The following DLG4 variants were observed in gnomAD, a reference collection of about 807,000 sequenced individuals.
The protein encoded by DLG4 is disks large homolog 4.
A neutral mutation model predicts 93.8 loss-of-function variants in DLG4; 7 were observed. That is an observed-to-expected ratio of 0.07 (90% CI 0.04 to 0.14). The LOEUF is 0.14. Among genes scored for constraint, DLG4 ranks in the 10% least tolerant of loss-of-function variants. The pLI is 1.00. For synonymous variants in DLG4, 341 were observed against 387.6 expected, an observed-to-expected ratio of 0.88 and a Z score of 1.41; for missense variants, 545 against 992.9, an observed-to-expected ratio of 0.55 and a Z score of 6.06.
Position 7,189,359 on chromosome 17 carries a change from GTAAT to G in DLG4, c.*1345_*1348del, listed in dbSNP as rs2069380521. On this transcript the variant is annotated 3_prime_UTR_variant, in exon 20 of 20. Transcript: ENST00000399506. ...ACAAAATTAGCCAGGCATGGTGGCA[GTAAT>G]CTGTAATCCCAGCTACTCAGGGGGC... is the stretch of plus-strand genomic sequence containing the variant. 2.0e-5 allele frequency among the ~76,000 whole-genome samples: 3 copies of G among 151,590 alleles called. No homozygotes were observed. Among genetic ancestry groups the G allele is most frequent in the Non-Finnish European group, 2.9e-5 (2 of 67,926 alleles).
chr17:7,201,655 C>T (rs1362433999), intron 8 of DLG4, among the ~76,000 whole-genome samples: 1 of 152,122 alleles, frequency 6.6e-6, no homozygotes, highest in Admixed American at 6.5e-5. Context: ...CCGAGGAGGG[C>T]AGATCACCTG....
At chr17:7,198,514 G>A (rs891341468) in intron 8 of DLG4, among the ~76,000 whole-genome samples, 4 of 149,412 alleles carry the variant, frequency 2.7e-5, no homozygotes, top group Non-Finnish European at 5.9e-5. Context: ...CTCCAGCTTG[G>A]GTAACATGGT....
chr17:7,214,189 A>C (rs1032901451), intron 1 of DLG4, among the ~76,000 whole-genome samples: 10 of 152,134 alleles, frequency 6.6e-5, no homozygotes, highest in Admixed American at 1.3e-4. Context: ...TTGAGACGTC[A>C]GACTTCCCAA....
rs986501254 is a variant in DLG4 at position 7,195,576 on chromosome 17, A to G, written c.1301+644T>C. ...CCCAGTGGAGATGGCCAGAAAGCCAATGGCCAGAAGTGCAGGTCTTGACCT... is the reference window on the plus strand; with the variant it reads ...CCCAGTGGAGATGGCCAGAAAGCCAGTGGCCAGAAGTGCAGGTCTTGACCT... On this transcript the variant is annotated intron_variant, in intron 11 of 19. Transcript: ENST00000399506. This position sits in a 1 kb window ranked among gnomAD's most constrained non-coding sequence, Gnocchi z 4.3. Among the ~76,000 whole-genome samples the G allele has an allele frequency of 1.3e-5, 2 of 152,134 alleles. No homozygotes were observed. Among genetic ancestry groups the G allele is most frequent in the African/African-American group, 4.8e-5 (2 of 41,430 alleles).
At chr17:7,219,610 CT>C, upstream of DLG4, 1 of 1,182,266 alleles carries the variant, frequency 8.5e-7, no homozygotes, top group Admixed American at 3.9e-5. Flanking sequence ...TCTTTCCCTA[CT>C]TTTCCCTTCT....
rs894528445 is a variant in DLG4 at position 7,195,399 on chromosome 17, A to T, written c.1301+821T>A. 6.6e-6 allele frequency among the ~76,000 whole-genome samples: 1 copy of T among 152,196 alleles called. No homozygotes were observed. The highest frequency in any genetic ancestry group is 1.5e-5 in the Non-Finnish European group (1 of 68,034). On this transcript the variant is annotated intron_variant, in intron 11 of 19. Coordinates refer to ENST00000399506, the MANE Select transcript of DLG4 (RefSeq NM_001321075.3). The surrounding 1 kb of genome is among the most constrained non-coding windows in gnomAD (Gnocchi z 4.3). ...GGACCCGAGCAGGGAGGAAGGGCAG[A>T]GCAAGGGCTCAGGTGGGAGCCAGTG...
Position 7,193,057 on chromosome 17 carries a change from G to T in DLG4, c.1754C>A (p.Ser585Tyr). The T allele has an allele frequency of 6.2e-7, 1 of 1,613,760 alleles. No individual in the cohort carries two copies. The highest frequency in any genetic ancestry group is 1.1e-5 in the South Asian group (1 of 91,082). Reference protein sequence around the residue: ...IDGRDYHFVSSREKMEKDIQA... With the variant: ...IDGRDYHFVSYREKMEKDIQA... ...AATGTCCTTCTCCATTTTCTCCCGG[G>T]ACGACACAAAGTGGTAATCCCGGCC... Residue 585 changes from serine to tyrosine, a missense_variant, in exon 17 of 20, where the codon TCC becomes TAC. Coordinates refer to ENST00000399506, the MANE Select transcript of DLG4 (RefSeq NM_001321075.3). The surrounding 1 kb of genome is among the most constrained non-coding windows in gnomAD (Gnocchi z 6.7).
chr17:7,204,139 C>T (rs2070326852), intron 3 of DLG4, 60 bp downstream of exon 3: 4 of 1,601,344 alleles, frequency 2.5e-6, no homozygotes, highest in Non-Finnish European at 3.4e-6. Context: ...CATCTGCTGC[C>T]CTCCCTTACT....
rs2069811544 is a variant in DLG4 at position 7,196,744 on chromosome 17, G to A, written c.1083+13C>T. The A allele has an allele frequency of 3.1e-6, 5 of 1,597,150 alleles. No individual in the cohort carries two copies. The highest frequency in any genetic ancestry group is 4.3e-6 in the Non-Finnish European group (5 of 1,171,904). ...GGAGGGGGTGGTGCAGGTAGGGGCA[G>A]GCCTTCCCTCACCGACAGGATCTGG... On this transcript the variant is annotated intron_variant, in intron 9 of 19. Transcript: ENST00000399506. The surrounding 1 kb of genome is among the most constrained non-coding windows in gnomAD (Gnocchi z 8.3).
rs752296963 is a variant in DLG4 at position 7,203,616 on chromosome 17, G to A, written c.336-23C>T. The stretch of plus-strand genomic sequence containing the variant: ...ACCCTGGGAGCAGCAAGGTGGGCCT[G>A]AGCCAAGAGCTTCCTGCTGCCCTGG... On this transcript the variant is annotated intron_variant, in intron 5 of 19. Coordinates refer to ENST00000399506, the MANE Select transcript of DLG4 (RefSeq NM_001321075.3). This position sits in a 1 kb window ranked among gnomAD's most constrained non-coding sequence, Gnocchi z 7.2. 19 of 1,608,808 alleles carry A rather than the reference G, an allele frequency of 1.2e-5. No homozygotes were observed. The highest frequency in any genetic ancestry group is 1.6e-4 in the Middle Eastern group (1 of 6,072).
At chr17:7,192,351 G>T in intron 17 of DLG4, 1 of 285,960 alleles carries the variant, frequency 3.5e-6, no homozygotes, top group Admixed American at 5.0e-5. Flanking sequence ...ACACAGGCGG[G>T]AAGGAAAGCC....
Position 7,196,195 on chromosome 17 carries a change from G to T in DLG4, c.1301+25C>A, listed in dbSNP as rs756175259. 11 of 1,560,930 alleles carry T rather than the reference G, an allele frequency of 7.0e-6. No homozygotes were observed. Among genetic ancestry groups the T allele is most frequent in the Non-Finnish European group, 9.7e-6 (11 of 1,135,110 alleles). ...TGCCCAGGAACGCAGAGGGGCTGAG[G>T]AGTCCAGCCCGGGAAGCCTCTGACC... On this transcript the variant is annotated intron_variant, in intron 11 of 19. Coordinates refer to ENST00000399506, the MANE Select transcript of DLG4 (RefSeq NM_001321075.3). The surrounding 1 kb of genome is among the most constrained non-coding windows in gnomAD (Gnocchi z 8.3).
chr17:7,211,622 G>A (rs1347647977), intron 1 of DLG4: 5 of 939,164 alleles, frequency 5.3e-6, no homozygotes, highest in Non-Finnish European at 6.3e-6. Flanking sequence ...GGTCCGGGAA[G>A]GGGGAGCGGG....
chr17:7,214,213 CT>C (rs1424101836), intron 1 of DLG4, among the ~76,000 whole-genome samples: 5 of 152,162 alleles, frequency 3.3e-5, no homozygotes, highest in South Asian at 2.1e-4. Context: ...CCGGATTCTC[CT>C]TTCCAAAGAC....
rs1209726669 is a variant in DLG4, at chr17:7,203,416, G to A, written c.505+8C>T. On this transcript the variant is annotated splice_region_variant and intron_variant, in intron 6 of 19. Coordinates refer to ENST00000399506, the MANE Select transcript of DLG4 (RefSeq NM_001321075.3). The surrounding 1 kb of genome is among the most constrained non-coding windows in gnomAD (Gnocchi z 7.2). ...TGGGATGGGGGTGGGAACAAAATGA[G>A]TTACTACCTTTAGGCCCCTTGATGA... 2 of 1,600,728 alleles carry A rather than the reference G, an allele frequency of 1.2e-6. No individual in the cohort carries two copies. Among genetic ancestry groups the A allele is most frequent in the East Asian group, 2.3e-5 (1 of 44,432 alleles).
At position 7,194,304 on chromosome 17, in the gene DLG4, G is replaced by T; in HGVS notation, c.1478+15C>A. The T allele has an allele frequency of 5.6e-6, 9 of 1,597,036 alleles. No homozygotes were observed. Among genetic ancestry groups the T allele is most frequent in the Non-Finnish European group, 7.7e-6 (9 of 1,172,730 alleles). ...GTGCCTGTGGCAGGAAGGCTACAGA[G>T]CCCAGGAGCCTCACCGCCGTTTGCT... is the stretch of plus-strand genomic sequence containing the variant. On this transcript the variant is annotated intron_variant, in intron 12 of 19. Coordinates refer to ENST00000399506, the MANE Select transcript of DLG4 (RefSeq NM_001321075.3). The surrounding 1 kb of genome is among the most constrained non-coding windows in gnomAD (Gnocchi z 4.4).
chr17:7,208,151 T>G lies in DLG4; in HGVS notation c.96+23A>C, dbSNP rs748941220. The G allele has an allele frequency of 6.1e-6, 8 of 1,318,756 alleles. No homozygotes were observed. The highest frequency in any genetic ancestry group is 7.8e-6 in the Non-Finnish European group (8 of 1,024,254). 81.7% of individuals were successfully genotyped at this position (1,318,756 alleles called of 1,614,324 possible). ...GTGGGACAAGTTCCTCTCCGCCACG[T>G]GCACCAGCTCGGGGGCGTTTACCTG... On this transcript the variant is annotated intron_variant, in intron 2 of 19. Coordinates refer to ENST00000399506, the MANE Select transcript of DLG4 (RefSeq NM_001321075.3). The surrounding 1 kb of genome is among the most constrained non-coding windows in gnomAD (Gnocchi z 5.4).
In DLG4 at chr17:7,188,499, A is replaced by G. The variant is rs2069353945; in HGVS notation, c.*2209T>C. ...GAATAGTACCCCAGCAGGTGCCCCC[A>G]AAGGTTCATCTGTGCCAAACACATG... On this transcript the variant is annotated 3_prime_UTR_variant, in exon 20 of 20. Transcript: ENST00000399506. 6.6e-6 allele frequency among the ~76,000 whole-genome samples: 1 copy of G among 152,130 alleles called. No homozygotes were observed. The highest frequency in any genetic ancestry group is 2.4e-5 in the African/African-American group (1 of 41,430).
chr17:7,204,294 ACT>A (rs766039139), intron 2 of DLG4, 42 bp from the exon 3 acceptor site: 1 of 1,536,690 alleles, frequency 6.5e-7, no homozygotes, highest in Admixed American at 2.0e-5. Flanking sequence ...CTGAGCCTTG[ACT>A]CGAGAGGGAG....
Sources: gnomAD v4.1 joint callset for allele counts (sites outside exome capture counted in the v4.1 genomes callset) on GRCh38, gnomAD v4.1.1 for gene constraint, Gnocchi (gnomAD v3.1) non-coding constraint, MANE v1.5 for transcripts, NCBI Gene and HGNC (gene_info 2026-07-23, HGNC 2026-07-21) for gene names.